LRP2: variants seen among roughly 807,000 people sequenced by gnomAD.
LRP2 encodes low-density lipoprotein receptor-related protein 2.
LRP2 carries 172 observed loss-of-function variants against 531.0 expected under a neutral mutation model. That is an observed-to-expected ratio of 0.32 (90% CI 0.29 to 0.37). The LOEUF is 0.37. Among genes scored for constraint, LRP2 ranks in the 10% least tolerant of loss-of-function variants. The pLI is 1.00. For missense variants in LRP2, 5,167 were observed against 5,868.3 expected (o/e 0.88, Z 3.90); for synonymous variants, 1,992 against 2,027.6 (o/e 0.98, Z 0.47).
Position 169,238,128 on chromosome 2 carries a change from G to T in LRP2, c.4469C>A (p.Thr1490Asn). Reference protein sequence around the residue: ...IFWSDATQGKTWSAFQNGTDR... With the variant: ...IFWSDATQGKNWSAFQNGTDR... ...CGTTCCATTTTGAAACGCACTCCAG[G>T]TTTTACCCTGAGTTGCATCAGACCA... Residue 1490 changes from threonine to asparagine, a missense_variant, in exon 27 of 79, where the codon ACC (threonine) becomes AAC (asparagine). Thr to Asn is a moderately conservative substitution (Grantham distance 65). Around this residue, in one of 6 missense-constraint regions of LRP2, gnomAD observed 2,811 missense variants for 3,058.0 expected, o/e 0.92. Coordinates refer to ENST00000649046, the MANE Select transcript of LRP2 (RefSeq NM_004525.3). 6.2e-7 allele frequency: 1 copy of T among 1,614,124 alleles called. No individual in the cohort carries two copies. The highest frequency in any genetic ancestry group is 8.5e-7 in the Non-Finnish European group (1 of 1,180,002).
chr2:169,233,834 A>G (rs1021721436), intron 29 of LRP2, among the ~76,000 whole-genome samples: 1 of 152,216 alleles, frequency 6.6e-6, no homozygotes, highest in Non-Finnish European at 1.5e-5. Context: ...TGGTAATTAC[A>G]CTGGGCATCT....
At chr2:169,340,885 C>A (rs1454208994) in intron 1 of LRP2, among the ~76,000 whole-genome samples, 1 of 152,098 alleles carries the variant, frequency 6.6e-6, no homozygotes, top group Non-Finnish European at 1.5e-5. Context: ...TTCTATTAAA[C>A]AAAAATTTCT....
intron 1 of LRP2, among the ~76,000 whole-genome samples, chr2:169,359,405 G>A (rs1052954527): frequency 6.6e-6 from 1 of 152,132 alleles, no homozygotes; most frequent in Admixed American, 6.5e-5. Flanking sequence ...AACAGATGTG[G>A]TATAATTTTT....
chr2:169,318,878 A>T lies in LRP2; in HGVS notation c.194T>A (p.Val65Glu). 1 of 1,614,126 alleles carries T rather than the reference A, an allele frequency of 6.2e-7. No homozygotes were observed. The highest frequency in any genetic ancestry group is 8.5e-7 in the Non-Finnish European group (1 of 1,179,984). ...CTTGAAATAGCCCTGCTGGCAGGTC[A>T]CAACAGCTAAAACAAACCAAAAGAG... ...DDADEIGCAV[V>E]TCQQGYFKCQ... is the part of the protein sequence containing the mutation. Residue 65 changes from valine (V) to glutamate (E), a missense_variant, in exon 3 of 79, where the codon GTG (valine) becomes GAG (glutamate). Physicochemically the swap from Val to Glu is moderately radical, Grantham distance 121. Coordinates refer to ENST00000649046, the MANE Select transcript of LRP2 (RefSeq NM_004525.3).
At chr2:169,313,372 T>G (rs1421599131) in intron 3 of LRP2, among the ~76,000 whole-genome samples, 1 of 152,186 alleles carries the variant, frequency 6.6e-6, no homozygotes, top group African/African-American at 2.4e-5. Context: ...ATGATGGTGA[T>G]GTACAGATGG....
chr2:169,136,535 A>C (rs1685516668), intron 76 of LRP2, among the ~76,000 whole-genome samples: 1 of 151,908 alleles, frequency 6.6e-6, no homozygotes, highest in Non-Finnish European at 1.5e-5. Flanking sequence ...TCCACCACAA[A>C]AGAAGTGAAA....
At chr2:169,166,567 G>T (rs1167837664) in intron 61 of LRP2, among the ~76,000 whole-genome samples, 1 of 152,204 alleles carries the variant, frequency 6.6e-6, no homozygotes, top group Non-Finnish European at 1.5e-5. Flanking sequence ...TGATCCTCCT[G>T]ATGGCAGTTG....
chr2:169,210,183 G>A (rs1217407705), intron 37 of LRP2, among the ~76,000 whole-genome samples: 1 of 152,066 alleles, frequency 6.6e-6, no homozygotes, highest in African/African-American at 2.4e-5. Context: ...TGCAATCCTC[G>A]ATTAAATAAT....
In LRP2 at chr2:169,212,132, C is replaced by A; in HGVS notation, c.6116G>T (p.Gly2039Val). 3 of 1,614,038 alleles carry A rather than the reference C, an allele frequency of 1.9e-6. No individual in the cohort carries two copies. The highest frequency in any genetic ancestry group is 2.2e-5 in the South Asian group (2 of 91,076). ...AGTGGCACAGGCGCAGGAAAACAAT[C>A]CTCCTGGTACAGGCAGGCAAATCTG... ...CQQICLPVPG[G>V]LFSCACATGF... Residue 2039 changes from glycine to valine, a missense_variant, in exon 37 of 79, where the codon GGA (glycine) becomes GTA (valine). This residue lies in a region of LRP2 where 2,811 missense variants were observed against 3,058.0 expected (regional missense o/e 0.92). Transcript: ENST00000649046.
chr2:169,140,683 C>T lies in LRP2; in HGVS notation c.13109-138G>A, dbSNP rs573432632. ...TCTCCCTGTCAAAGCTTACCTTCCC[C>T]CTAAGTCCAGTGAGTTTCCTTAAGG... On this transcript the variant is annotated intron_variant, in intron 71 of 78. Transcript: ENST00000649046. 189 of 649,322 alleles carry T rather than the reference C, an allele frequency of 2.9e-4. No individual in the cohort carries two copies. In the Middle Eastern group the frequency reaches 4.1e-3, roughly 14 times the overall value. The allele number at this position is 649,322 out of a possible 1,614,324, so 40.2% of individuals were successfully genotyped here.
chr2:169,289,093 C>T lies in LRP2; in HGVS notation c.975G>A (p.Pro325=), dbSNP rs368492082. 161 of 1,613,968 alleles carry T rather than the reference C, an allele frequency of 1.0e-4. No homozygotes were observed. The highest frequency in any genetic ancestry group is 3.8e-4 in the East Asian group (17 of 44,882). Residue 325 remains proline (P), a synonymous_variant, in exon 9 of 79, where the codon CCG becomes CCA. Coordinates refer to ENST00000649046, the MANE Select transcript of LRP2 (RefSeq NM_004525.3). ...GGGGACAAAAACACGCTCCTCCATA[C>T]GGCGTCTCATGGCACTGGTACTGGC... ...LNCQYQCHET[P]YGGACFCPPG... is the part of the protein sequence containing the mutation.
chr2:169,329,381 A>C (rs1685205666), intron 1 of LRP2, among the ~76,000 whole-genome samples: 1 of 152,176 alleles, frequency 6.6e-6, no homozygotes, highest in Non-Finnish European at 1.5e-5. Context: ...GTCTCTAAGA[A>C]AAAAAAGAAC....
At chr2:169,130,398 C>T (rs749481512) in intron 77 of LRP2, among the ~76,000 whole-genome samples, 11 of 151,950 alleles carry the variant, frequency 7.2e-5, no homozygotes, top group Admixed American at 1.3e-4. Context: ...AGCAATCCTC[C>T]CACCTCAGCC....
intron 2 of LRP2, among the ~76,000 whole-genome samples, chr2:169,320,310 C>T (rs1684874702): frequency 6.6e-6 from 1 of 152,162 alleles, no homozygotes; most frequent in Non-Finnish European, 1.5e-5. Context: ...ATCACACTAA[C>T]CAATTCTGTG....
intron 13 of LRP2, chr2:169,275,459 T>C (rs1683528017): frequency 1.9e-6 from 1 of 536,600 alleles, no homozygotes; most frequent in East Asian, 3.4e-5. Flanking sequence ...GAGACTTACA[T>C]TCCAGTCCCA....
At position 169,275,085 on chromosome 2, in the gene LRP2, G is replaced by C; in HGVS notation, c.1926C>G (p.Ser642=). The change falls in exon 14 of 79, where the codon TCC becomes TCG. Residue 642 remains serine (S), a synonymous_variant. Coordinates refer to ENST00000649046, the MANE Select transcript of LRP2 (RefSeq NM_004525.3). ...ETNPQVYYQA[S]LRPYGVTVYH... is the part of the protein sequence containing the mutation. The stretch of plus-strand genomic sequence containing the variant: ...AAACAGTCACTCCATAGGGCCTCAG[G>C]GAAGCCTGGTAGTACACTTGTGGGT... The C allele has an allele frequency of 6.2e-7, 1 of 1,613,692 alleles. No homozygotes were observed. The highest frequency in any genetic ancestry group is 8.5e-7 in the Non-Finnish European group (1 of 1,179,824).
rs370268078 is a variant in LRP2 at position 169,255,964 on chromosome 2, A to T, written c.2770+142T>A. 2,288 of 759,978 alleles carry T rather than the reference A, an allele frequency of 3.0e-3. 39 individuals carry two copies. In the African/African-American group the frequency reaches 0.047, roughly 16 times the overall value. 47.1% of individuals were successfully genotyped at this position (759,978 alleles called of 1,614,324 possible). A position where few individuals can be genotyped will look rare whatever the true frequency, so the allele number is the denominator to read the frequency against. ...ATCAACAAACCAAATGTTTTGTCTAAATATATAGCACCATTTTAAATTTTT... is the reference window on the plus strand; with the variant it reads ...ATCAACAAACCAAATGTTTTGTCTATATATATAGCACCATTTTAAATTTTT... On this transcript the variant is annotated intron_variant, in intron 19 of 78. Transcript: ENST00000649046.
At chr2:169,208,946 A>G (rs776898367) in intron 38 of LRP2, among the ~76,000 whole-genome samples, 27 of 152,334 alleles carry the variant, frequency 1.8e-4, no homozygotes, top group South Asian at 6.2e-4. Context: ...CTAAGTTAAT[A>G]TAATACTGGA....
chr2:169,130,686 C>T (rs1309090394), intron 77 of LRP2, among the ~76,000 whole-genome samples: 2 of 152,214 alleles, frequency 1.3e-5, no homozygotes, highest in African/African-American at 4.8e-5. Context: ...CACCCAAGCG[C>T]CTCTACTGCT....
Sources: gnomAD v4.1 joint callset for allele counts (sites outside exome capture counted in the v4.1 genomes callset) on GRCh38, gnomAD v4.1.1 for gene constraint, gnomAD v4.1.1 regional missense constraint, MANE v1.5 for transcripts, NCBI Gene and HGNC (gene_info 2026-07-23, HGNC 2026-07-21) for gene names.